RNF114: variants seen among roughly 807,000 people sequenced by gnomAD.
RNF114 encodes the protein E3 ubiquitin-protein ligase RNF114.
A neutral mutation model predicts 28.4 loss-of-function variants in RNF114; 6 were observed. The ratio of observed to expected loss-of-function variants is 0.21; its 90% CI spans 0.12 to 0.42. The LOEUF (loss-of-function observed/expected upper bound fraction) is 0.42. Ranked by LOEUF, RNF114 falls within the 10% of genes least tolerant of loss-of-function variation. RNF114 has a pLI of 1.00. For synonymous variants in RNF114, 115 were observed against 116.7 expected, an observed-to-expected ratio of 0.99 and a Z score of 0.09; for missense variants, 249 against 311.7, an observed-to-expected ratio of 0.80 and a Z score of 1.51.
In RNF114 at chr20:49,946,240, C is replaced by A; in HGVS notation, c.503C>A (p.Thr168Asn). Residue 168 changes from threonine (T) to asparagine (N), a missense_variant, in exon 4 of 6, where the codon ACC becomes AAC. Around this residue, in one of 2 missense-constraint regions of RNF114, gnomAD observed 126 missense variants for 205.3 expected, o/e 0.61. Transcript: ENST00000244061. The part of the protein sequence containing the change: ...EHCKLFHSTD[T>N]KSVVCPICAS... Reference sequence around the variant, plus strand: ...TGCAAATTATTCCATAGCACGGATACCAAATCTGTGGTGAGTAACCTTTTT... The same window carrying A: ...TGCAAATTATTCCATAGCACGGATAACAAATCTGTGGTGAGTAACCTTTTT... 1.3e-6 allele frequency: 2 copies of A among 1,537,100 alleles called. No homozygotes were observed. The highest frequency in any genetic ancestry group is 2.4e-5 in the South Asian group (2 of 83,954).
intron 1 of RNF114, among the ~76,000 whole-genome samples, chr20:49,939,154 A>G (rs2090298014): frequency 6.6e-6 from 1 of 152,098 alleles, no homozygotes; most frequent in Non-Finnish European, 1.5e-5. Flanking sequence ...GCTTTCTATG[A>G]TCACCCCAGC....
chr20:49,947,598 C>G (rs1481577657), intron 4 of RNF114, among the ~76,000 whole-genome samples: 36 of 151,922 alleles, frequency 2.4e-4, no homozygotes. Flanking sequence ...ATGTTACTTG[C>G]ACTCATAATT....
chr20:49,947,849 T>C (rs912843418), intron 4 of RNF114, among the ~76,000 whole-genome samples: 1 of 127,946 alleles, frequency 7.8e-6, no homozygotes, highest in Non-Finnish European at 1.6e-5. Flanking sequence ...TGGAGTGCAG[T>C]GGCGCGATCT....
chr20:49,945,300 T>C (rs929065235), intron 2 of RNF114, 82 bp from the exon 3 acceptor site: 2 of 809,100 alleles, frequency 2.5e-6, no homozygotes, highest in Admixed American at 2.0e-5. Context: ...GGTCTAGTTT[T>C]CTTTGTGCCC....
rs900173415 is a variant in RNF114, at chr20:49,953,047, C to T, written c.*906C>T. 6 of 152,104 alleles carry T rather than the reference C, an allele frequency of 3.9e-5. No individual in the cohort carries two copies. The highest frequency in any genetic ancestry group is 1.2e-4 in the African/African-American group (5 of 41,438). The allele number at this position is 152,104 out of a possible 1,614,324, so 9.4% of individuals were successfully genotyped here. ...ATTAGAAGAAAGAGGTTTGGGGACT[C>T]AGCGGATACTAGTTCTTTTACCTTC... On this transcript the variant is annotated 3_prime_UTR_variant, in exon 6 of 6. Transcript: ENST00000244061.
chr20:49,947,769 G>GTTTTTTTTTTT lies in RNF114; in HGVS notation c.514-1449_514-1439dup, dbSNP rs71190519. On this transcript the variant is annotated intron_variant, in intron 4 of 5. Transcript: ENST00000244061. ...GTTCTGTCTTCCTCTCCCTCTGCAA[G>GTTTTTTTTTTT]TTTTTTTTTTTTTTTTTTTTTTTTT... 9.9e-4 allele frequency among the ~76,000 whole-genome samples: 50 copies of GTTTTTTTTTTT among 50,474 alleles called. 10 individuals are homozygous for GTTTTTTTTTTT. Among genetic ancestry groups the GTTTTTTTTTTT allele is most frequent in the Non-Finnish European group, 1.2e-3 (35 of 28,800 alleles). 33.1% of individuals were successfully genotyped at this position (50,474 alleles called of 152,430 possible). A position where few individuals can be genotyped will look rare whatever the true frequency, so the allele number is the denominator to read the frequency against.
intron 4 of RNF114, among the ~76,000 whole-genome samples, chr20:49,947,232 C>T (rs1361585087): frequency 5.7e-5 from 1 of 17,534 alleles, no homozygotes; most frequent in Non-Finnish European, 1.2e-4. Flanking sequence ...CCCCCCCCCC[C>T]CCCCAAAAAA....
At chr20:49,939,797 G>C (rs1242272237) in intron 1 of RNF114, among the ~76,000 whole-genome samples, 1 of 151,498 alleles carries the variant, frequency 6.6e-6, no homozygotes, top group Non-Finnish European at 1.5e-5. Flanking sequence ...GCTCACACCT[G>C]TAATCCCAGC....
At chr20:49,938,092 G>A (rs1014436376) in intron 1 of RNF114, among the ~76,000 whole-genome samples, 3 of 152,212 alleles carry the variant, frequency 2.0e-5, no homozygotes. Context: ...CAAGCTTCAC[G>A]AGAGTTGAAG....
At chr20:49,937,303 A>G (rs182075448) in intron 1 of RNF114, among the ~76,000 whole-genome samples, 4 of 152,300 alleles carry the variant, frequency 2.6e-5, no homozygotes, top group Admixed American at 2.0e-4. Flanking sequence ...CAGACGCACA[A>G]ACACATCTGA....
intron 1 of RNF114, among the ~76,000 whole-genome samples, chr20:49,940,128 G>T (rs1406641496): frequency 6.6e-6 from 1 of 151,024 alleles, no homozygotes; most frequent in East Asian, 1.9e-4. Flanking sequence ...CTGAAACCTG[G>T]ATTTGGCCTT....
chr20:49,939,693 A>G (rs1344292553), intron 1 of RNF114, among the ~76,000 whole-genome samples: 2 of 151,744 alleles, frequency 1.3e-5, no homozygotes, highest in African/African-American at 4.8e-5. Flanking sequence ...AGACCCTCAC[A>G]ATCCTCTGCC....
At chr20:49,936,748 C>T (rs2146851789) in intron 1 of RNF114, among the ~76,000 whole-genome samples, 196 bp downstream of exon 1, 1 of 152,216 alleles carries the variant, frequency 6.6e-6, no homozygotes, top group South Asian at 2.1e-4. Flanking sequence ...CCTAAGTATC[C>T]CGTTCCTCCG....
chr20:49,945,278 C>T, intron 2 of RNF114, 104 bp from the exon 3 acceptor site: 1 of 668,142 alleles, frequency 1.5e-6, no homozygotes, highest in Non-Finnish European at 2.7e-6. Flanking sequence ...GATTATTTGC[C>T]AGGGTGGTGT....
intron 1 of RNF114, among the ~76,000 whole-genome samples, chr20:49,938,865 C>G (rs2090296915): frequency 6.6e-6 from 1 of 152,230 alleles, no homozygotes; most frequent in Admixed American, 6.5e-5. Context: ...TTCCATTATA[C>G]TCACTGGACC....
At chr20:49,939,709 C>A (rs2090299806) in intron 1 of RNF114, among the ~76,000 whole-genome samples, 1 of 151,762 alleles carries the variant, frequency 6.6e-6, no homozygotes, top group Non-Finnish European at 1.5e-5. Context: ...CTGCCTTTAG[C>A]CATCTGTTTG....
intron 5 of RNF114, 130 bp downstream of exon 5, chr20:49,949,485 A>G (rs6067280): frequency 0.014 from 10,505 of 727,344 alleles, 118 homozygotes; most frequent in Middle Eastern, 0.028. Context: ...TCCAGTCTGT[A>G]TACTGGATAC....
At position 49,952,461 on chromosome 20, in the gene RNF114, T is replaced by A. The variant is rs1392219817; in HGVS notation, c.*320T>A. 5 of 513,064 alleles carry A rather than the reference T, an allele frequency of 9.7e-6. No homozygotes were observed. The highest frequency in any genetic ancestry group is 1.7e-5 in the Non-Finnish European group (5 of 288,114). The allele number at this position is 513,064 out of a possible 1,614,324, so 31.8% of individuals were successfully genotyped here. On this transcript the variant is annotated 3_prime_UTR_variant, in exon 6 of 6. Coordinates refer to ENST00000244061, the MANE Select transcript of RNF114 (RefSeq NM_018683.4). ...AGCTTCTCCACCTCTTGTTTCACACTCATTCCTCCCATCCAGTGTTTGTCT... is the reference window on the plus strand; with the variant it reads ...AGCTTCTCCACCTCTTGTTTCACACACATTCCTCCCATCCAGTGTTTGTCT...
intron 1 of RNF114, chr20:49,941,264 T>C: frequency 3.5e-6 from 1 of 284,424 alleles, no homozygotes; most frequent in East Asian, 6.7e-5. Context: ...AAATGGAGAT[T>C]CAAGAAACCC....
Sources: gnomAD v4.1 joint callset for allele counts (sites outside exome capture counted in the v4.1 genomes callset) on GRCh38, gnomAD v4.1.1 for gene constraint, gnomAD v4.1.1 regional missense constraint, MANE v1.5 for transcripts, NCBI Gene and HGNC (gene_info 2026-07-23, HGNC 2026-07-21) for gene names.